Variants in ZNRF3 observed in about 807,000 individuals in gnomAD.
ZNRF3 encodes zinc and ring finger 3.
A neutral mutation model predicts 72.5 loss-of-function variants in ZNRF3; 23 were observed. That is an observed-to-expected ratio of 0.32 (90% CI 0.23 to 0.45). The LOEUF is 0.45. Among genes scored for constraint, ZNRF3 ranks in the 20% least tolerant of loss-of-function variants. The probability of loss-of-function intolerance (pLI) is 1.00; values close to 1 mark genes in which losing one functional copy is unlikely to be tolerated. For synonymous variants in ZNRF3, 610 were observed against 545.3 expected (o/e 1.12, Z -1.65); for missense variants, 1,169 against 1,272.1 (o/e 0.92, Z 1.23).
At chr22:28,974,090 TG>T (rs1321997878) in intron 1 of ZNRF3, among the ~76,000 whole-genome samples, 2 of 151,852 alleles carry the variant, frequency 1.3e-5, no homozygotes, top group Non-Finnish European at 2.9e-5. Flanking sequence ...CCCGAGTAGC[TG>T]GGACTACAGG....
chr22:28,983,633 C>T (rs188893349), intron 1 of ZNRF3, among the ~76,000 whole-genome samples: 5 of 152,310 alleles, frequency 3.3e-5, no homozygotes, highest in Admixed American at 1.3e-4. Context: ...TAAGTCTTTG[C>T]GTCATGGATG....
intron 2 of ZNRF3, among the ~76,000 whole-genome samples, chr22:29,016,815 G>A (rs1437968942): frequency 6.6e-6 from 1 of 152,198 alleles, no homozygotes; most frequent in African/African-American, 2.4e-5. Flanking sequence ...CCTGTGTCAA[G>A]CACCTGTAGC....
chr22:28,887,674 T>G (rs2033816867), intron 1 of ZNRF3, among the ~76,000 whole-genome samples: 1 of 152,194 alleles, frequency 6.6e-6, no homozygotes, highest in Non-Finnish European at 1.5e-5. Flanking sequence ...CTTGTAAGAG[T>G]GTCAGGCATA....
At chr22:28,969,648 A>G (rs1328215835) in intron 1 of ZNRF3, among the ~76,000 whole-genome samples, 3 of 152,220 alleles carry the variant, frequency 2.0e-5, no homozygotes, top group Non-Finnish European at 2.9e-5. Context: ...GGTCAGACAC[A>G]GGATTTTCCA....
chr22:28,995,159 C>T (rs1437144737), intron 2 of ZNRF3, among the ~76,000 whole-genome samples: 5 of 152,150 alleles, frequency 3.3e-5, no homozygotes, highest in African/African-American at 9.7e-5. Flanking sequence ...CAAGGCTGGG[C>T]GGGGTGGCTC....
At chr22:28,938,378 C>T (rs2034880307) in intron 1 of ZNRF3, among the ~76,000 whole-genome samples, 1 of 152,046 alleles carries the variant, frequency 6.6e-6, no homozygotes, top group Admixed American at 6.5e-5. Context: ...GTCTGGCACA[C>T]CTCCCTTTTA....
In ZNRF3 at chr22:29,051,056, AACACCATCT is replaced by A. The variant is rs1342192184; in HGVS notation, c.2767+109_2767+117del. ...GACTTCTTTTGTGTCCTTGGTTTTA[AACACCATCT>A]GAGGCTGAAGACTTCCAAGGGTTAC... On this transcript the variant is annotated intron_variant, in intron 8 of 8. Transcript: ENST00000544604. 10 of 1,281,544 alleles carry A rather than the reference AACACCATCT, an allele frequency of 7.8e-6. No individual in the cohort carries two copies. In the East Asian group the frequency reaches 1.7e-4, roughly 22 times the overall value. 79.4% of individuals were successfully genotyped at this position (1,281,544 alleles called of 1,614,324 possible).
intron 4 of ZNRF3, among the ~76,000 whole-genome samples, chr22:29,044,340 A>G (rs2037020960): frequency 6.6e-6 from 1 of 152,166 alleles, no homozygotes; most frequent in Non-Finnish European, 1.5e-5. Flanking sequence ...GTGGAAGCTG[A>G]TATTTGTGGA....
chr22:28,901,842 A>C (rs1372034757), intron 1 of ZNRF3, among the ~76,000 whole-genome samples: 1 of 150,916 alleles, frequency 6.6e-6, no homozygotes, highest in Admixed American at 6.6e-5. Flanking sequence ...GGGTTTTGCC[A>C]TGTTGCCCAG....
chr22:29,035,383 T>C (rs2036848895), intron 2 of ZNRF3, among the ~76,000 whole-genome samples: 3 of 152,202 alleles, frequency 2.0e-5, no homozygotes, highest in South Asian at 4.1e-4. Context: ...AGAAATCTGC[T>C]ACGTGCCTCT....
intron 1 of ZNRF3, among the ~76,000 whole-genome samples, chr22:28,956,555 G>T (rs1351315218): frequency 6.6e-6 from 1 of 152,136 alleles, no homozygotes; most frequent in African/African-American, 2.4e-5. Flanking sequence ...CGTCTGCAAA[G>T]AAAGGGGTCT....
chr22:29,014,491 T>A, intron 2 of ZNRF3, among the ~76,000 whole-genome samples: 1 of 152,136 alleles, frequency 6.6e-6, no homozygotes. Flanking sequence ...ACACACCATC[T>A]CCCTGCCGCT....
At chr22:29,009,297 C>T (rs1160466461) in intron 2 of ZNRF3, among the ~76,000 whole-genome samples, 6 of 152,056 alleles carry the variant, frequency 3.9e-5, no homozygotes, top group Non-Finnish European at 5.9e-5. Flanking sequence ...TAACATGTGG[C>T]GTATCCCAGA....
intron 2 of ZNRF3, among the ~76,000 whole-genome samples, chr22:29,020,121 A>G (rs910015950): frequency 2.0e-5 from 3 of 151,936 alleles, no homozygotes; most frequent in African/African-American, 7.3e-5. Context: ...ACTTTAAATC[A>G]TCTCTGATTA....
intron 1 of ZNRF3, among the ~76,000 whole-genome samples, chr22:28,937,215 A>ATATTTTT (rs1384534826): frequency 1.1e-4 from 1 of 8,850 alleles, no homozygotes; most frequent in African/African-American, 2.7e-4. Flanking sequence ...ATATATATAT[A>ATATTTTT]TTTTTTTTTT....
chr22:28,963,416 CT>C (rs2035401707), intron 1 of ZNRF3, among the ~76,000 whole-genome samples: 1 of 152,072 alleles, frequency 6.6e-6, no homozygotes, highest in South Asian at 2.1e-4. Context: ...AAGAGATGCA[CT>C]AGATGAAAAT....
At chr22:28,979,230 C>G (rs1411511688) in intron 1 of ZNRF3, among the ~76,000 whole-genome samples, 1 of 152,118 alleles carries the variant, frequency 6.6e-6, no homozygotes, top group Non-Finnish European at 1.5e-5. Flanking sequence ...TGTGGGAGTC[C>G]CTGTGCTTGG....
chr22:29,049,242 T>A lies in ZNRF3; in HGVS notation c.1061T>A (p.Leu354His). The change falls in exon 8 of 9, where the codon CTC (leucine) becomes CAC (histidine). Residue 354 changes from leucine (L) to histidine (H), a missense_variant. Leu to His is a moderately conservative substitution (Grantham distance 99, BLOSUM62 -3). Around this residue, in one of 2 missense-constraint regions of ZNRF3, gnomAD observed 386 missense variants for 540.7 expected, o/e 0.71. Coordinates refer to ENST00000544604, the MANE Select transcript of ZNRF3 (RefSeq NM_001206998.2). The surrounding 1 kb of genome is among the most constrained non-coding windows in gnomAD (Gnocchi z 5.2). ...GCGGTGTGTGTGGAGACCAGCAACC[T>A]CTCACGTGGTCGGCAGCAGAGGGTG... ...PSAVCVETSN[L>H]SRGRQQRVTL... 6.2e-7 allele frequency: 1 copy of A among 1,612,612 alleles called. No homozygotes were observed. Among genetic ancestry groups the A allele is most frequent in the Non-Finnish European group, 8.5e-7 (1 of 1,179,216 alleles).
intron 1 of ZNRF3, among the ~76,000 whole-genome samples, chr22:28,906,697 A>G (rs2034214289): frequency 6.6e-6 from 1 of 152,216 alleles, no homozygotes; most frequent in Non-Finnish European, 1.5e-5. Context: ...GCATCAGGTA[A>G]ACCACCTATT....
Sources: allele counts gnomAD v4.1 joint callset (sites outside exome capture counted in the v4.1 genomes callset), GRCh38; gene constraint gnomAD v4.1.1; regional missense constraint gnomAD v4.1.1; non-coding constraint Gnocchi (gnomAD v3.1); transcripts MANE v1.5; gene names NCBI Gene and HGNC (gene_info 2026-07-23, HGNC 2026-07-21).